SLC38A7: variants seen among roughly 807,000 people sequenced by gnomAD.
The protein encoded by SLC38A7 is solute carrier family 38 member 7.
A neutral mutation model predicts 50.1 loss-of-function variants in SLC38A7; 29 were observed. That is an observed-to-expected ratio of 0.58 (90% CI 0.43 to 0.79). SLC38A7 has a LOEUF of 0.79. Ranked by LOEUF, SLC38A7 falls within the 30% of genes least tolerant of loss-of-function variation. SLC38A7 has a pLI of 0.00. For synonymous variants in SLC38A7, 244 were observed against 245.9 expected (o/e 0.99, Z 0.07); for missense variants, 483 against 610.6 (o/e 0.79, Z 2.20).
Position 58,678,703 on chromosome 16 carries a change from C to T in SLC38A7, c.462G>A (p.Gln154=), listed in dbSNP as rs370178678. Residue 154 remains glutamine, a synonymous_variant, in exon 4 of 12, where the codon CAG becomes CAA. Transcript: ENST00000219320. This position sits in a 1 kb window ranked among gnomAD's most constrained non-coding sequence, Gnocchi z 4.0. ...ACTGAGGGAGAAGCTCACTCTTGTCCTGCTGGTCGCCAATGATGATTAGGA... is the reference window on the plus strand; with the variant it reads ...ACTGAGGGAGAAGCTCACTCTTGTCTTGCTGGTCGCCAATGATGATTAGGA... The part of the protein sequence containing the change: ...IAFLIIIGDQ[Q]DKIIAVMAKE... 3.1e-6 allele frequency: 5 copies of T among 1,613,764 alleles called. No homozygotes were observed. The highest frequency in any genetic ancestry group is 2.5e-6 in the Non-Finnish European group (3 of 1,179,932).
chr16:58,669,994 A>G (rs1295616621), intron 11 of SLC38A7, 119 bp downstream of exon 11: 1 of 904,952 alleles, frequency 1.1e-6, no homozygotes, highest in East Asian at 2.7e-5. Flanking sequence ...AAAACAAAAC[A>G]AAAACCCATG....
chr16:58,666,470 AAAG>A lies in SLC38A7; in HGVS notation c.*912_*914del, dbSNP rs1237153455. The A allele has an allele frequency of 1.3e-5, 2 of 152,144 alleles. No individual in the cohort carries two copies. Among genetic ancestry groups the A allele is most frequent in the South Asian group, 2.1e-4 (1 of 4,786 alleles). 9.4% of individuals were successfully genotyped at this position (152,144 alleles called of 1,614,324 possible). Reference sequence around the variant, plus strand: ...AGGAAGAAGAGAAAACATCACTGAAAAAGAAGGTGTCGGGGAGGTACACCCTGA... The same window carrying A: ...AGGAAGAAGAGAAAACATCACTGAAAAAGGTGTCGGGGAGGTACACCCTGA... On this transcript the variant is annotated 3_prime_UTR_variant, in exon 12 of 12. Coordinates refer to ENST00000219320, the MANE Select transcript of SLC38A7 (RefSeq NM_018231.3).
chr16:58,670,419 A>C (rs556311216), intron 10 of SLC38A7, among the ~76,000 whole-genome samples: 58 of 152,318 alleles, frequency 3.8e-4, no homozygotes, highest in Non-Finnish European at 7.2e-4. Context: ...CTCAATGGTG[A>C]CTCAGTGGTG....
chr16:58,683,131 G>A (rs1019686147), intron 2 of SLC38A7, among the ~76,000 whole-genome samples: 11 of 152,102 alleles, frequency 7.2e-5, no homozygotes, highest in African/African-American at 1.9e-4. Context: ...CTGCTGCCTC[G>A]GCCTCCCAAA....
rs1194337966 is a variant in SLC38A7 at position 58,667,360 on chromosome 16, C to T, written c.*25G>A. ...GGGTTCCTGCGACCAATGGCAAAGG[C>T]CTTGTGTTCCCTGGGAGGCAGTGGT... On this transcript the variant is annotated 3_prime_UTR_variant, in exon 12 of 12. Coordinates refer to ENST00000219320, the MANE Select transcript of SLC38A7 (RefSeq NM_018231.3). 6.2e-7 allele frequency: 1 copy of T among 1,611,268 alleles called. No individual in the cohort carries two copies. Among genetic ancestry groups the T allele is most frequent in the South Asian group, 1.1e-5 (1 of 91,018 alleles).
chr16:58,684,172 A>G lies in SLC38A7; in HGVS notation c.-333T>C, dbSNP rs1033042809. 1 of 152,442 alleles carries G rather than the reference A, an allele frequency of 6.6e-6. No individual in the cohort carries two copies. Among genetic ancestry groups the G allele is most frequent in the African/African-American group, 2.4e-5 (1 of 41,462 alleles). The allele number at this position is 152,442 out of a possible 1,614,324, so 9.4% of individuals were successfully genotyped here. Reference sequence around the variant, plus strand: ...GAGCGGCTCTCACGCTTACTCATGAAATGGAGCTTCAGGACAGATAGGAAA... The same window carrying G: ...GAGCGGCTCTCACGCTTACTCATGAGATGGAGCTTCAGGACAGATAGGAAA... On this transcript the variant is annotated 5_prime_UTR_variant, in exon 2 of 12. Coordinates refer to ENST00000219320, the MANE Select transcript of SLC38A7 (RefSeq NM_018231.3).
intron 10 of SLC38A7, among the ~76,000 whole-genome samples, chr16:58,670,706 T>G (rs2044141937): frequency 6.6e-6 from 1 of 152,196 alleles, no homozygotes. Context: ...TCCCTCATAG[T>G]CAAGGAGCAG....
In SLC38A7 at chr16:58,678,785, G is replaced by A; in HGVS notation, c.380C>T (p.Thr127Ile). 7 of 1,614,216 alleles carry A rather than the reference G, an allele frequency of 4.3e-6. No individual in the cohort carries two copies. Among genetic ancestry groups the A allele is most frequent in the Non-Finnish European group, 5.9e-6 (7 of 1,180,032 alleles). The change falls in exon 4 of 12, where the codon ACA becomes ATA. Residue 127 changes from threonine to isoleucine, a missense_variant. Transcript: ENST00000219320. The surrounding 1 kb of genome is among the most constrained non-coding windows in gnomAD (Gnocchi z 4.0). ...GATGGCCACCTCACATAGCACACCT[G>A]TCAGCTTGCCACACACAGCCCATAC... Reference protein sequence around the residue: ...EVVWAVCGKLTGVLCEVAIAV... With the variant: ...EVVWAVCGKLIGVLCEVAIAV...
chr16:58,678,582 A>G lies in SLC38A7; in HGVS notation c.470-108T>C. 15 of 1,553,972 alleles carry G rather than the reference A, an allele frequency of 9.7e-6. 1 individual carries two copies. Among genetic ancestry groups the G allele is most frequent in the Non-Finnish European group, 1.3e-5 (15 of 1,140,676 alleles). ...CTCTGCCTGGAGGGAGGATTCCCAG[A>G]TGAATGCTGGGCCCAGGTAAGTCCT... On this transcript the variant is annotated intron_variant, in intron 4 of 11. Coordinates refer to ENST00000219320, the MANE Select transcript of SLC38A7 (RefSeq NM_018231.3). The surrounding 1 kb of genome is among the most constrained non-coding windows in gnomAD (Gnocchi z 4.0).
rs756670638 is a variant in SLC38A7 at position 58,678,898 on chromosome 16, C to T, written c.271-4G>A. On this transcript the variant is annotated splice_polypyrimidine_tract_variant and splice_region_variant and intron_variant, in intron 3 of 11. Coordinates refer to ENST00000219320, the MANE Select transcript of SLC38A7 (RefSeq NM_018231.3). This position sits in a 1 kb window ranked among gnomAD's most constrained non-coding sequence, Gnocchi z 4.0. ...TGATGATGAAAACCAGCATACCCTG[C>T]AGGCAGAGGCAGAACAAGAGCTTGT... The T allele has an allele frequency of 6.2e-6, 10 of 1,611,268 alleles. No homozygotes were observed. The highest frequency in any genetic ancestry group is 8.5e-6 in the Non-Finnish European group (10 of 1,179,926).
At chr16:58,673,510 G>A (rs1293770509) in intron 8 of SLC38A7, among the ~76,000 whole-genome samples, 1 of 151,800 alleles carries the variant, frequency 6.6e-6, no homozygotes, top group African/African-American at 2.4e-5. Flanking sequence ...TTACAGGCGT[G>A]AGCCACCACG....
At chr16:58,682,812 A>G (rs549992389) in intron 2 of SLC38A7, among the ~76,000 whole-genome samples, 35 of 151,970 alleles carry the variant, frequency 2.3e-4, no homozygotes, top group African/African-American at 7.2e-4. Flanking sequence ...TTGTATTTTT[A>G]GTAGAGATGG....
rs759043851 is a variant in SLC38A7, at chr16:58,670,066, C to G, written c.1286+47G>C. The G allele has an allele frequency of 4.4e-6, 7 of 1,592,644 alleles. No individual in the cohort carries two copies. In the South Asian group the frequency reaches 7.8e-5, roughly 18 times the overall value. On this transcript the variant is annotated intron_variant, in intron 11 of 11. Transcript: ENST00000219320. ...TTAAGGCCCCCACAAAGCCACATTC[C>G]AATCCAGCACCTCCCTGAGAGGATC...
intron 8 of SLC38A7, among the ~76,000 whole-genome samples, chr16:58,674,045 G>A (rs2044214091): frequency 2.0e-5 from 3 of 150,972 alleles, no homozygotes; most frequent in South Asian, 2.1e-4. Flanking sequence ...GGCTGGTCTC[G>A]AACTCCTGGC....
At chr16:58,677,511 C>T (rs1025339454) in intron 5 of SLC38A7, 87 bp from the exon 6 acceptor site, 17 of 1,150,914 alleles carry the variant, frequency 1.5e-5, no homozygotes, top group Middle Eastern at 2.0e-4. Flanking sequence ...TCAGCTCTAG[C>T]GACCACAAGT....
chr16:58,677,107 T>C (rs1430310420), intron 6 of SLC38A7, among the ~76,000 whole-genome samples: 1 of 152,200 alleles, frequency 6.6e-6, no homozygotes, highest in Non-Finnish European at 1.5e-5. Context: ...ATCTGTTGGA[T>C]GTAGGTGGCA....
At chr16:58,681,093 T>C (rs1440449165) in intron 2 of SLC38A7, among the ~76,000 whole-genome samples, 1 of 152,222 alleles carries the variant, frequency 6.6e-6, no homozygotes, top group East Asian at 1.9e-4. Flanking sequence ...GTGCCAAACA[T>C]GCAGTGCTGT....
chr16:58,682,183 A>G (rs899909107), intron 2 of SLC38A7, among the ~76,000 whole-genome samples: 13 of 152,002 alleles, frequency 8.6e-5, no homozygotes, highest in African/African-American at 3.1e-4. Flanking sequence ...CAAAACTCAA[A>G]CCACAGCCTG....
intron 2 of SLC38A7, among the ~76,000 whole-genome samples, chr16:58,682,095 T>C (rs1295997257): frequency 2.0e-5 from 3 of 152,112 alleles, no homozygotes; most frequent in African/African-American, 7.2e-5. Flanking sequence ...AGACAGAGTT[T>C]GCAGTGAGCC....
Sources: gnomAD v4.1 joint callset for allele counts (sites outside exome capture counted in the v4.1 genomes callset) on GRCh38, gnomAD v4.1.1 for gene constraint, Gnocchi (gnomAD v3.1) non-coding constraint, MANE v1.5 for transcripts, NCBI Gene and HGNC (gene_info 2026-07-23, HGNC 2026-07-21) for gene names.